Variants in GRB10 observed in about 807,000 individuals in gnomAD.
The protein encoded by GRB10 is growth factor receptor bound protein 10, also known as growth factor receptor-bound protein 10.
GRB10 carries 20 observed loss-of-function variants against 80.9 expected under a neutral mutation model. That is an observed-to-expected ratio of 0.25 (90% CI 0.17 to 0.36). GRB10 has a LOEUF of 0.36. Among genes scored for constraint, GRB10 ranks in the 10% least tolerant of loss-of-function variants. The pLI is 1.00. For synonymous variants in GRB10, 291 were observed against 291.5 expected (o/e 1.00, Z 0.02); for missense variants, 548 against 747.7 (o/e 0.73, Z 3.12).
rs776688540 is a variant in GRB10 at position 50,593,029 on chromosome 7, G to A, written c.1708C>T (p.Leu570=). Residue 570 remains leucine, a synonymous_variant, in exon 19 of 19, where the codon CTG becomes TTG. Coordinates refer to ENST00000401949, the MANE Select transcript of GRB10 (RefSeq NM_001350814.2). ...GNTKFSDLIQ[L]VDFYQLNKGV... is the part of the protein sequence containing the mutation. ...TTGTTCAGCTGGTAAAAGTCAACCAGCTGGATCAGGTCAGAGAATTTGGTG... is the reference window on the plus strand; with the variant it reads ...TTGTTCAGCTGGTAAAAGTCAACCAACTGGATCAGGTCAGAGAATTTGGTG... 3.1e-6 allele frequency: 5 copies of A among 1,614,226 alleles called. No individual in the cohort carries two copies. The highest frequency in any genetic ancestry group is 1.1e-5 in the South Asian group (1 of 91,086).
At chr7:50,629,595 A>C (rs1336043351) in intron 7 of GRB10, among the ~76,000 whole-genome samples, 4 of 152,186 alleles carry the variant, frequency 2.6e-5, no homozygotes, top group African/African-American at 9.7e-5. Flanking sequence ...CAGAGACAGA[A>C]CACCAAGAAA....
At chr7:50,634,555 C>T (rs971481709) in intron 7 of GRB10, among the ~76,000 whole-genome samples, 1 of 152,126 alleles carries the variant, frequency 6.6e-6, no homozygotes, top group Non-Finnish European at 1.5e-5. Flanking sequence ...TAATGTTGAA[C>T]ATAAATGGCC....
At chr7:50,627,233 T>C (rs527874405) in intron 7 of GRB10, among the ~76,000 whole-genome samples, 2 of 152,142 alleles carry the variant, frequency 1.3e-5, no homozygotes, top group Non-Finnish European at 2.9e-5. Flanking sequence ...GGACAACTCA[T>C]GGGAACATAC....
intron 5 of GRB10, among the ~76,000 whole-genome samples, chr7:50,699,931 C>G (rs536199213): frequency 6.6e-6 from 1 of 152,084 alleles, no homozygotes; most frequent in African/African-American, 2.4e-5. Context: ...GTCAGGAGAT[C>G]GAGACCATCC....
chr7:50,756,778 C>T (rs1167641555), intron 2 of GRB10, among the ~76,000 whole-genome samples: 1 of 152,222 alleles, frequency 6.6e-6, no homozygotes, highest in Non-Finnish European at 1.5e-5. Flanking sequence ...TCTGGTCCCA[C>T]TGCAGAGCAT....
chr7:50,593,213 C>A, intron 18 of GRB10, 115 bp from the exon 19 acceptor site: 1 of 1,212,188 alleles, frequency 8.2e-7, no homozygotes, highest in South Asian at 1.2e-5. Context: ...GAGGGACACA[C>A]AGGGCAAGGT....
chr7:50,595,601 T>TGACACACACACACACACA, intron 17 of GRB10, 71 bp from the exon 18 acceptor site: 4 of 556,346 alleles, frequency 7.2e-6, no homozygotes. Context: ...ACACACTCTC[T>TGACACACACACACACACA]TACACACACA....
chr7:50,747,178 T>C (rs2073088703), intron 3 of GRB10, among the ~76,000 whole-genome samples: 1 of 152,186 alleles, frequency 6.6e-6, no homozygotes, highest in East Asian at 1.9e-4. Context: ...TCATGGTCGC[T>C]GCTGGTGGGC....
chr7:50,761,085 A>T (rs2075714168), intron 2 of GRB10, among the ~76,000 whole-genome samples: 1 of 152,240 alleles, frequency 6.6e-6, no homozygotes, highest in Non-Finnish European at 1.5e-5. Context: ...CAATCCTTTG[A>T]GGCAGCACTG....
chr7:50,674,495 T>C lies in GRB10; in HGVS notation c.303A>G (p.Pro101=), dbSNP rs751597592. 1.2e-6 allele frequency: 2 copies of C among 1,609,158 alleles called. No individual in the cohort carries two copies. Among genetic ancestry groups the C allele is most frequent in the Non-Finnish European group, 1.7e-6 (2 of 1,180,010 alleles). The change falls in exon 6 of 19, where the codon CCA becomes CCG. Residue 101 remains proline, a synonymous_variant. Coordinates refer to ENST00000401949, the MANE Select transcript of GRB10 (RefSeq NM_001350814.2). ...GCACCCTCTGCCTCGGGGACACCTGTGGCTGGATGGACCGAGGAGGGCCTG... is the reference window on the plus strand; with the variant it reads ...GCACCCTCTGCCTCGGGGACACCTGCGGCTGGATGGACCGAGGAGGGCCTG... ...RASGPPRSIQ[P]QVSPRQRVQR... is the part of the protein sequence containing the mutation.
At chr7:50,724,544 G>A (rs897161257) in intron 4 of GRB10, among the ~76,000 whole-genome samples, 1 of 152,200 alleles carries the variant, frequency 6.6e-6, no homozygotes, top group Admixed American at 6.5e-5. Context: ...AATGAGGGAT[G>A]GGAGGATGGG....
chr7:50,681,946 G>C (rs1002108366), intron 5 of GRB10, among the ~76,000 whole-genome samples: 1 of 152,196 alleles, frequency 6.6e-6, no homozygotes, highest in Non-Finnish European at 1.5e-5. Flanking sequence ...GCTGAGCAGA[G>C]GAGTCTCTGA....
At chr7:50,734,216 C>T (rs751043488) in intron 3 of GRB10, among the ~76,000 whole-genome samples, 8 of 152,108 alleles carry the variant, frequency 5.3e-5, no homozygotes, top group Non-Finnish European at 1.0e-4. Flanking sequence ...GGCAGCCAGG[C>T]GGCCTCTGCC....
chr7:50,593,159 G>A, intron 18 of GRB10, 61 bp from the exon 19 acceptor site: 1 of 1,588,824 alleles, frequency 6.3e-7, no homozygotes, highest in Non-Finnish European at 8.6e-7. Flanking sequence ...ACAGAACGGG[G>A]CCCACGGCCA....
chr7:50,680,178 C>G (rs1437937822), intron 5 of GRB10, among the ~76,000 whole-genome samples: 3 of 152,202 alleles, frequency 2.0e-5, no homozygotes, highest in African/African-American at 7.2e-5. Flanking sequence ...TTCACGGGTT[C>G]CTACACACAG....
chr7:50,730,730 C>T (rs978497431), intron 4 of GRB10, among the ~76,000 whole-genome samples: 7 of 152,142 alleles, frequency 4.6e-5, no homozygotes, highest in Non-Finnish European at 1.0e-4. Context: ...GGAACTGACA[C>T]AGCTTGTAAG....
intron 1 of GRB10, among the ~76,000 whole-genome samples, chr7:50,781,830 A>G (rs774329111): frequency 1.6e-4 from 25 of 152,260 alleles, no homozygotes; most frequent in Non-Finnish European, 2.9e-4. Context: ...CCATGCCCAC[A>G]TCTTCACTGC....
chr7:50,646,613 ACT>A (rs1359492034), intron 7 of GRB10, among the ~76,000 whole-genome samples: 1 of 152,076 alleles, frequency 6.6e-6, no homozygotes, highest in Non-Finnish European at 1.5e-5. Flanking sequence ...CTTACTCCTG[ACT>A]CTGAATCCTG....
intron 7 of GRB10, among the ~76,000 whole-genome samples, chr7:50,630,213 C>T (rs1159333674): frequency 1.3e-5 from 2 of 152,198 alleles, no homozygotes; most frequent in East Asian, 1.9e-4. Flanking sequence ...GGAAGTTCTA[C>T]ATTAGTTATG....
Sources: allele counts gnomAD v4.1 joint callset (sites outside exome capture counted in the v4.1 genomes callset), GRCh38; gene constraint gnomAD v4.1.1; transcripts MANE v1.5; gene names NCBI Gene and HGNC (gene_info 2026-07-23, HGNC 2026-07-21).